TTBK1: variants seen among roughly 807,000 people sequenced by gnomAD.
TTBK1 encodes the protein tau tubulin kinase 1.
TTBK1 carries 34 observed loss-of-function variants against 108.5 expected under a neutral mutation model. The ratio of observed to expected loss-of-function variants is 0.31; its 90% CI spans 0.24 to 0.42. The LOEUF (loss-of-function observed/expected upper bound fraction) is 0.42. TTBK1 is among the 10% of genes least tolerant of loss of function. The pLI is 1.00. For missense variants in TTBK1, 1,539 were observed against 1,826.0 expected (o/e 0.84, Z 2.86); for synonymous variants, 809 against 795.1 (o/e 1.02, Z -0.29).
chr6:43,279,758 T>TTGTTG (rs1554187588), intron 13 of TTBK1, among the ~76,000 whole-genome samples: 44 of 151,004 alleles, frequency 2.9e-4, no homozygotes, highest in East Asian at 1.2e-3. Context: ...GACAAAGTTT[T>TTGTTG]TTGTTGTTGT....
intron 3 of TTBK1, 38 bp downstream of exon 3, chr6:43,252,924 G>C: frequency 1.2e-6 from 2 of 1,609,000 alleles, no homozygotes; most frequent in Non-Finnish European, 1.7e-6. Flanking sequence ...AGGAAGAGAT[G>C]ATGAAGCCAG....
intron 2 of TTBK1, 42 bp from the exon 3 acceptor site, chr6:43,252,697 C>A: frequency 6.2e-7 from 1 of 1,610,358 alleles, no homozygotes; most frequent in South Asian, 1.1e-5. Flanking sequence ...AGGAGCTGTT[C>A]AGCCTGATCC....
At position 43,285,241 on chromosome 6, in the gene TTBK1, G is replaced by C; in HGVS notation, c.3831G>C (p.Pro1277=). The C allele has an allele frequency of 7.7e-7, 1 of 1,298,918 alleles. No homozygotes were observed. Among genetic ancestry groups the C allele is most frequent in the South Asian group, 2.5e-5 (1 of 39,874 alleles). The allele number at this position is 1,298,918 out of a possible 1,614,324, so 80.5% of individuals were successfully genotyped here. The change falls in exon 15 of 15, where the codon CCG becomes CCC. Residue 1277 remains proline, a synonymous_variant. Transcript: ENST00000259750. This position sits in a 1 kb window ranked among gnomAD's most constrained non-coding sequence, Gnocchi z 4.7. ...GGGTCCCCCCGCCCCGGGGCGTCCC[G>C]CCGGCCCGGGCCCAGCCTGATGGCA... ...RPGVPPPRGV[P]PARAQPDGTP... is the part of the protein sequence containing the mutation.
Position 43,283,246 on chromosome 6 carries a change from C to A in TTBK1, c.2506C>A (p.Leu836Met), listed in dbSNP as rs374946208. The A allele has an allele frequency of 7.1e-6, 11 of 1,552,826 alleles. No homozygotes were observed. Among genetic ancestry groups the A allele is most frequent in the African/African-American group, 2.7e-5 (2 of 73,090 alleles). Residue 836 changes from leucine (L) to methionine (M), a missense_variant, in exon 14 of 15, where the codon CTG becomes ATG. Leu to Met is a conservative substitution (Grantham distance 15, BLOSUM62 2). This residue lies in a region of TTBK1 where 1,055 missense variants were observed against 1,086.5 expected (regional missense o/e 0.97). Coordinates refer to ENST00000259750, the MANE Select transcript of TTBK1 (RefSeq NM_032538.3). This position sits in a 1 kb window ranked among gnomAD's most constrained non-coding sequence, Gnocchi z 8.1. ...GGAGCCTGAGGAGGGCTCCAAAACG[C>A]TGGTGCTTGTCTCTCCTGGCGACAT... The part of the protein sequence containing the change: ...DLEPEEGSKT[L>M]VLVSPGDMKK...
In TTBK1 at chr6:43,286,364, T is replaced by A. The variant is rs763988500; in HGVS notation, c.*988T>A. ...CTGCCTACTGCAGTTCCAGCCAACCTGCTCTTTCCTGAGTTCAAAGCAGGT... is the reference window on the plus strand; with the variant it reads ...CTGCCTACTGCAGTTCCAGCCAACCAGCTCTTTCCTGAGTTCAAAGCAGGT... On this transcript the variant is annotated 3_prime_UTR_variant, in exon 15 of 15. Coordinates refer to ENST00000259750, the MANE Select transcript of TTBK1 (RefSeq NM_032538.3). The surrounding 1 kb of genome is among the most constrained non-coding windows in gnomAD (Gnocchi z 4.6). 2 of 152,760 alleles carry A rather than the reference T, an allele frequency of 1.3e-5. No individual in the cohort carries two copies. Among genetic ancestry groups the A allele is most frequent in the Non-Finnish European group, 2.9e-5 (2 of 68,120 alleles). The allele number at this position is 152,760 out of a possible 1,614,324, so 9.5% of individuals were successfully genotyped here.
At chr6:43,270,030 C>A in intron 13 of TTBK1, 2 of 1,423,740 alleles carry the variant, frequency 1.4e-6, no homozygotes, top group Non-Finnish European at 9.1e-7. Flanking sequence ...CTTCCCAGGA[C>A]GCAATAATCA....
intron 13 of TTBK1, among the ~76,000 whole-genome samples, chr6:43,274,354 G>T (rs1336166475): frequency 1.3e-5 from 2 of 152,186 alleles, no homozygotes; most frequent in African/African-American, 4.8e-5. Flanking sequence ...TCTCTCTTCT[G>T]TCCTGCCTAG....
Position 43,282,644 on chromosome 6 carries a change from C to A in TTBK1, c.1987-83C>A. ...GTAGACGACCTGGGCCTGTGAGTCT[C>A]CTAGGTTGTGGGTGCAGCTGAAGTC... On this transcript the variant is annotated intron_variant, in intron 13 of 14. Coordinates refer to ENST00000259750, the MANE Select transcript of TTBK1 (RefSeq NM_032538.3). The surrounding 1 kb of genome is among the most constrained non-coding windows in gnomAD (Gnocchi z 5.4). 8.3e-7 allele frequency: 1 copy of A among 1,211,040 alleles called. No homozygotes were observed. 75.0% of individuals were successfully genotyped at this position (1,211,040 alleles called of 1,614,324 possible).
rs764781472 is a variant in TTBK1 at position 43,263,016 on chromosome 6, A to C, written c.1652A>C (p.Glu551Ala). ...TGGGTCATCATCGACAAGGAGACGG[A>C]GCTCAAGGACTTCCCTCCAGGGGCT... ...KEWVIIDKETELKDFPPGAEP... is the reference protein window; with the variant it reads ...KEWVIIDKETALKDFPPGAEP... Residue 551 changes from glutamate (E) to alanine (A), a missense_variant, in exon 13 of 15, where the codon GAG (glutamate) becomes GCG (alanine). This residue lies in a region of TTBK1 where 1,055 missense variants were observed against 1,086.5 expected (regional missense o/e 0.97). Coordinates refer to ENST00000259750, the MANE Select transcript of TTBK1 (RefSeq NM_032538.3). This position sits in a 1 kb window ranked among gnomAD's most constrained non-coding sequence, Gnocchi z 4.7. 6.2e-7 allele frequency: 1 copy of C among 1,606,714 alleles called. No individual in the cohort carries two copies. The highest frequency in any genetic ancestry group is 8.5e-7 in the Non-Finnish European group (1 of 1,176,828).
rs776522457 is a variant in TTBK1, at chr6:43,282,826, C to T, written c.2086C>T (p.Arg696Ter). ...CTTCAAAAGAGACCTCTCCGATTAC[C>T]GAGAACGGGCGCGGTTGCTCAACAG... The part of the protein sequence containing the change: ...QDFKRDLSDY[R>*]ERARLLNRVR... Residue 696 changes from arginine to a stop codon, truncating the protein, a stop_gained, in exon 14 of 15, where the codon CGA becomes TGA. Transcript: ENST00000259750. LOFTEE classifies it high-confidence loss of function. This position sits in a 1 kb window ranked among gnomAD's most constrained non-coding sequence, Gnocchi z 5.4. The T allele has an allele frequency of 1.2e-6, 2 of 1,613,964 alleles. No individual in the cohort carries two copies. Among genetic ancestry groups the T allele is most frequent in the Admixed American group, 1.7e-5 (1 of 60,002 alleles).
In TTBK1 at chr6:43,259,203, T is replaced by C; in HGVS notation, c.1182T>C (p.Gly394=). ...PSPHLVPHPG[G]PEAEVWEETD... ...CCCACCTTGTCCCCCACCCCGGGGG[T>C]CCTGAGGCTGAAGTCTGGGAGGAGA... The change falls in exon 11 of 15, where the codon GGT becomes GGC. Residue 394 remains glycine (G), a synonymous_variant. Coordinates refer to ENST00000259750, the MANE Select transcript of TTBK1 (RefSeq NM_032538.3). This position sits in a 1 kb window ranked among gnomAD's most constrained non-coding sequence, Gnocchi z 6.7. 1 of 1,599,940 alleles carries C rather than the reference T, an allele frequency of 6.3e-7. No individual in the cohort carries two copies. Among genetic ancestry groups the C allele is most frequent in the Non-Finnish European group, 8.5e-7 (1 of 1,174,214 alleles).
rs1356145381 is a variant in TTBK1, at chr6:43,252,904, G to T, written c.256+18G>T. The stretch of plus-strand genomic sequence containing the variant: ...GTTGCAAGGTTCGGGCCTCGGGCAG[G>T]GGGATGGGAAGGAAGAGATGATGAA... On this transcript the variant is annotated intron_variant, in intron 3 of 14. Coordinates refer to ENST00000259750, the MANE Select transcript of TTBK1 (RefSeq NM_032538.3). The T allele has an allele frequency of 6.2e-7, 1 of 1,612,486 alleles. No individual in the cohort carries two copies. Among genetic ancestry groups the T allele is most frequent in the South Asian group, 1.1e-5 (1 of 91,060 alleles).
In TTBK1 at chr6:43,253,155, GGGAGGTGGCAAGACA is replaced by G; in HGVS notation, c.257-133_257-119del. 1 of 1,022,596 alleles carries G rather than the reference GGGAGGTGGCAAGACA, an allele frequency of 9.8e-7. No homozygotes were observed. The highest frequency in any genetic ancestry group is 1.5e-6 in the Non-Finnish European group (1 of 658,174). 63.3% of individuals were successfully genotyped at this position (1,022,596 alleles called of 1,614,324 possible). On this transcript the variant is annotated intron_variant, in intron 3 of 14. Transcript: ENST00000259750. The surrounding 1 kb of genome is among the most constrained non-coding windows in gnomAD (Gnocchi z 5.8). The stretch of plus-strand genomic sequence containing the variant: ...AGGAGACATGATGAGGCTAGGGCCA[GGGAGGTGGCAAGACA>G]GGTGCTCACAGGGCCAGCACTGGAG...
At chr6:43,274,623 G>A (rs1777915396) in intron 13 of TTBK1, among the ~76,000 whole-genome samples, 1 of 151,600 alleles carries the variant, frequency 6.6e-6, no homozygotes, top group Non-Finnish European at 1.5e-5. Context: ...AGATCTCTCC[G>A]GAGGGCCTGA....
rs1362642742 is a variant in TTBK1 at position 43,243,669 on chromosome 6, CG to C, written c.-93del. 6.5e-6 allele frequency: 1 copy of C among 152,864 alleles called. No homozygotes were observed. The highest frequency in any genetic ancestry group is 2.4e-5 in the African/African-American group (1 of 41,262). The allele number at this position is 152,864 out of a possible 1,614,324, so 9.5% of individuals were successfully genotyped here. A position where few individuals can be genotyped will look rare whatever the true frequency, so the allele number is the denominator to read the frequency against. Reference sequence around the variant, plus strand: ...ATGCGCCGCCCCGAGCTGCTGCCTCCGCCGCCGCCGCAGCCGCAGCCGCAGC... The same window carrying C: ...ATGCGCCGCCCCGAGCTGCTGCCTCCCCGCCGCCGCAGCCGCAGCCGCAGC... On this transcript the variant is annotated 5_prime_UTR_variant, in exon 1 of 15. It removes the in-frame stop codon of an upstream open reading frame in the 5' UTR. Transcript: ENST00000259750. The surrounding 1 kb of genome is among the most constrained non-coding windows in gnomAD (Gnocchi z 5.5).
intron 7 of TTBK1, 106 bp downstream of exon 7, chr6:43,255,220 G>A: frequency 3.0e-6 from 3 of 994,162 alleles, no homozygotes; most frequent in Non-Finnish European, 4.7e-6. Context: ...GGCAGGGGCT[G>A]CAATCTGCCA....
chr6:43,251,638 C>T (rs1337847289), intron 2 of TTBK1, among the ~76,000 whole-genome samples: 1 of 152,182 alleles, frequency 6.6e-6, no homozygotes, highest in African/African-American at 2.4e-5. Context: ...CCTGCCAGCT[C>T]TTCCTTCACT....
chr6:43,255,517 G>A (rs1777359121), intron 7 of TTBK1, 35 bp from the exon 8 acceptor site: 1 of 1,552,228 alleles, frequency 6.4e-7, no homozygotes, highest in Non-Finnish European at 8.7e-7. Context: ...GGAAGGACCT[G>A]AGAGCTGCAG....
chr6:43,247,421 G>A (rs1777123532), intron 2 of TTBK1, among the ~76,000 whole-genome samples: 1 of 152,208 alleles, frequency 6.6e-6, no homozygotes, highest in Admixed American at 6.5e-5. Context: ...GGGAATGATA[G>A]TATTTGGGGA....
Sources: allele counts gnomAD v4.1 joint callset (sites outside exome capture counted in the v4.1 genomes callset), GRCh38; gene constraint gnomAD v4.1.1; regional missense constraint gnomAD v4.1.1; non-coding constraint Gnocchi (gnomAD v3.1); transcripts MANE v1.5; gene names NCBI Gene and HGNC (gene_info 2026-07-23, HGNC 2026-07-21).